NDC80: variants seen among roughly 807,000 people sequenced by gnomAD.
NDC80 encodes the protein NDC80 kinetochore complex component, also known as kinetochore protein NDC80 homolog.
In NDC80, 69 loss-of-function variants were observed where a neutral mutation model predicts 89.3. That is an observed-to-expected ratio of 0.77 (90% CI 0.64 to 0.94). NDC80 has a LOEUF of 0.94. Among genes scored for constraint, NDC80 ranks in the 40% least tolerant of loss-of-function variants. NDC80 has a pLI of 0.00. For missense variants in NDC80, 593 were observed against 739.6 expected (o/e 0.80, Z 2.30); for synonymous variants, 243 against 255.6 (o/e 0.95, Z 0.47).
At chr18:2,579,054 G>A (rs760047470) in intron 6 of NDC80, 25 bp downstream of exon 6, 2 of 1,375,342 alleles carry the variant, frequency 1.5e-6, no homozygotes, top group East Asian at 5.2e-5. Flanking sequence ...CTTTTGAAAT[G>A]TATACATGGG....
intron 7 of NDC80, among the ~76,000 whole-genome samples, chr18:2,587,377 G>A (rs2072607621): frequency 6.6e-6 from 1 of 152,148 alleles, no homozygotes; most frequent in African/African-American, 2.4e-5. Context: ...TGTAATTGTA[G>A]CCTTCATTAA....
chr18:2,577,416 C>T, intron 3 of NDC80: 1 of 193,406 alleles, frequency 5.2e-6, no homozygotes, highest in East Asian at 1.3e-4. Context: ...GAGGTTTCAC[C>T]ATCTTGGCCA....
chr18:2,606,420 T>A lies in NDC80; in HGVS notation c.1470T>A (p.Asn490Lys), dbSNP rs1441897444. ...MGLEDTLEQL[N>K]AMITESKRSV... is the part of the protein sequence containing the mutation. Reference sequence around the variant, plus strand: ...CCAAAGTTTTATTTCCCCAGTTGAATGCAATGATAACAGAAAGCAAGAGAA... The same window carrying A: ...CCAAAGTTTTATTTCCCCAGTTGAAAGCAATGATAACAGAAAGCAAGAGAA... The change falls in exon 14 of 17, where the codon AAT becomes AAA. Residue 490 changes from asparagine to lysine, a missense_variant. Transcript: ENST00000261597. 2 of 1,597,294 alleles carry A rather than the reference T, an allele frequency of 1.3e-6. No individual in the cohort carries two copies. Among genetic ancestry groups the A allele is most frequent in the Non-Finnish European group, 8.5e-7 (1 of 1,171,492 alleles).
intron 10 of NDC80, among the ~76,000 whole-genome samples, chr18:2,593,043 TG>T (rs1568003365): frequency 3.0e-4 from 40 of 133,430 alleles, no homozygotes; most frequent in African/African-American, 6.3e-4. Flanking sequence ...TGTGTGTGTG[TG>T]TGTGTGTGTG....
At chr18:2,589,671 G>A (rs1226881542) in intron 9 of NDC80, among the ~76,000 whole-genome samples, 25 of 152,110 alleles carry the variant, frequency 1.6e-4, no homozygotes, top group Admixed American at 1.6e-3. Flanking sequence ...GTTAATAAAT[G>A]GGTTTATATA....
intron 7 of NDC80, 58 bp downstream of exon 7, chr18:2,585,260 A>G: frequency 1.6e-6 from 2 of 1,270,440 alleles, no homozygotes; most frequent in Non-Finnish European, 2.3e-6. Context: ...TTGTGTCACT[A>G]TTGGATTTAA....
At chr18:2,580,084 G>A (rs1415007654) in intron 6 of NDC80, among the ~76,000 whole-genome samples, 1 of 151,790 alleles carries the variant, frequency 6.6e-6, no homozygotes, top group Non-Finnish European at 1.5e-5. Flanking sequence ...CCATGAATTT[G>A]AATCTTTATA....
intron 11 of NDC80, among the ~76,000 whole-genome samples, chr18:2,596,687 A>G (rs959914288): frequency 6.6e-6 from 1 of 152,034 alleles, no homozygotes; most frequent in African/African-American, 2.4e-5. Context: ...TATATACCCA[A>G]AGGATTATAA....
chr18:2,614,621 G>GA lies in NDC80; in HGVS notation c.1792-1813dup, dbSNP rs1158455339. Among the ~76,000 whole-genome samples, 4 of 7,626 alleles carry GA rather than the reference G, an allele frequency of 5.2e-4. 1 individual carries two copies. The highest frequency in any genetic ancestry group is 9.8e-4 in the Non-Finnish European group (4 of 4,086). 5.0% of individuals were successfully genotyped at this position (7,626 alleles called of 152,430 possible). Reference sequence around the variant, plus strand: ...AGAAAGAAAGAAAGAAAGAAAGAAAGAAAGAAAGAAAGAAAGAAAGAAAGA... The same window carrying GA: ...AGAAAGAAAGAAAGAAAGAAAGAAAGAAAAGAAAGAAAGAAAGAAAGAAAGA... On this transcript the variant is annotated intron_variant, in intron 16 of 16. Coordinates refer to ENST00000261597, the MANE Select transcript of NDC80 (RefSeq NM_006101.3).
intron 16 of NDC80, among the ~76,000 whole-genome samples, chr18:2,612,947 G>GAA (rs2072753098): frequency 6.6e-6 from 1 of 152,230 alleles, no homozygotes; most frequent in African/African-American, 2.4e-5. Context: ...GCAAAATGAG[G>GAA]AAACTTTACA....
chr18:2,578,668 G>A (rs959289670), intron 5 of NDC80, among the ~76,000 whole-genome samples: 1 of 152,190 alleles, frequency 6.6e-6, no homozygotes, highest in Non-Finnish European at 1.5e-5. Context: ...GGGAACAAAA[G>A]ATGTTTTGGG....
At position 2,595,607 on chromosome 18, in the gene NDC80, A is replaced by C; in HGVS notation, c.1207A>C (p.Arg403=). 1 of 1,613,230 alleles carries C rather than the reference A, an allele frequency of 6.2e-7. No individual in the cohort carries two copies. The highest frequency in any genetic ancestry group is 8.5e-7 in the Non-Finnish European group (1 of 1,179,452). The change falls in exon 11 of 17, where the codon AGA becomes CGA. Residue 403 remains arginine (R), a synonymous_variant. Transcript: ENST00000261597. The part of the protein sequence containing the change: ...KLWNEELKYA[R]GKEAIETQLA... ...GTGGAATGAGGAGTTAAAATATGCC[A>C]GAGGCAAAGAAGCGGTATGTCATAC...
chr18:2,603,271 C>T (rs1458424240), intron 13 of NDC80, among the ~76,000 whole-genome samples: 4 of 150,116 alleles, frequency 2.7e-5, no homozygotes, highest in Non-Finnish European at 4.4e-5. Context: ...TTTAAGGGAC[C>T]GGCAAAGGAA....
At chr18:2,597,721 A>C (rs8092943) in intron 11 of NDC80, among the ~76,000 whole-genome samples, 40,406 of 127,804 alleles carry the variant, frequency 0.32, 5,568 homozygotes, top group Middle Eastern at 0.43. Flanking sequence ...AAATAGCAAA[A>C]CTCTGTCTAA....
At chr18:2,605,756 T>G (rs1482812874) in intron 13 of NDC80, among the ~76,000 whole-genome samples, 1 of 152,164 alleles carries the variant, frequency 6.6e-6, no homozygotes, top group Non-Finnish European at 1.5e-5. Flanking sequence ...ATTTTACTCT[T>G]TTGTGTTTCC....
At chr18:2,592,962 C>G (rs975693128) in intron 10 of NDC80, among the ~76,000 whole-genome samples, 6 of 149,574 alleles carry the variant, frequency 4.0e-5, no homozygotes, top group Non-Finnish European at 7.4e-5. Context: ...AAAACCTGAC[C>G]AGTTTGGTAT....
intron 10 of NDC80, among the ~76,000 whole-genome samples, chr18:2,593,129 A>G (rs2072636655): frequency 7.0e-6 from 1 of 142,236 alleles, no homozygotes; most frequent in African/African-American, 2.6e-5. Context: ...ATCTCAGTTC[A>G]CTGCAACTTC....
Position 2,579,834 on chromosome 18 carries a change from A to G in NDC80, c.579+805A>G, listed in dbSNP as rs184483361. On this transcript the variant is annotated intron_variant, in intron 6 of 16. Transcript: ENST00000261597. ...ATTTTTCTCTAGAAAACTTGTACCA[A>G]TTAAAAGCTCAACAATGTTTGAGCA... Among the ~76,000 whole-genome samples the G allele has an allele frequency of 8.5e-5, 13 of 152,302 alleles. No homozygotes were observed. In the East Asian group the frequency reaches 2.5e-3, roughly 29 times the overall value.
intron 15 of NDC80, among the ~76,000 whole-genome samples, chr18:2,609,297 C>A (rs1170656515): frequency 6.6e-6 from 1 of 152,042 alleles, no homozygotes; most frequent in African/African-American, 2.4e-5. Flanking sequence ...CAAATAGTTA[C>A]CATGCTGTGC....
Sources: gnomAD v4.1 joint callset for allele counts (sites outside exome capture counted in the v4.1 genomes callset) on GRCh38, gnomAD v4.1.1 for gene constraint, MANE v1.5 for transcripts, NCBI Gene and HGNC (gene_info 2026-07-23, HGNC 2026-07-21) for gene names.